The following EML4 variants were observed in gnomAD, a reference collection of about 807,000 sequenced individuals.
The protein encoded by EML4 is echinoderm microtubule-associated protein-like 4.
EML4 carries 72 observed loss-of-function variants against 129.0 expected under a neutral mutation model. The ratio of observed to expected loss-of-function variants is 0.56; its 90% CI spans 0.46 to 0.68. The LOEUF (loss-of-function observed/expected upper bound fraction) is 0.68, where lower values mean the gene tolerates loss of function less well. Among genes scored for constraint, EML4 ranks in the 30% least tolerant of loss-of-function variants. The pLI is 0.00. For missense variants in EML4, 1,363 were observed against 1,190.6 expected (o/e 1.14, Z -2.13); for synonymous variants, 532 against 405.0 (o/e 1.31, Z -3.77).
At chr2:42,217,701 G>A (rs957102652) in intron 1 of EML4, among the ~76,000 whole-genome samples, 19 of 152,194 alleles carry the variant, frequency 1.2e-4, no homozygotes, top group Admixed American at 9.8e-4. Context: ...GTCTTAATGA[G>A]TAGTTAGGTA....
chr2:42,329,980 A>C lies in EML4; in HGVS notation c.2719A>C (p.Asn907His). Residue 907 changes from asparagine to histidine, a missense_variant, in exon 23 of 23, where the codon AAT becomes CAT. Asn to His is a moderately conservative substitution (Grantham distance 68). Transcript: ENST00000318522. ...CACACCGCCTCCTTCTCAGCCCTTA[A>C]ATGAGACAGCTGAAGAGGAAAGTAG... The part of the protein sequence containing the change: ...TPTPPPSQPL[N>H]ETAEEESRIS... 1 of 1,613,846 alleles carries C rather than the reference A, an allele frequency of 6.2e-7. No individual in the cohort carries two copies. The highest frequency in any genetic ancestry group is 8.5e-7 in the Non-Finnish European group (1 of 1,179,974).
chr2:42,324,412 T>G (rs1238465249), intron 19 of EML4, among the ~76,000 whole-genome samples: 3 of 152,140 alleles, frequency 2.0e-5, no homozygotes, highest in African/African-American at 7.2e-5. Flanking sequence ...GCCTGGGAGT[T>G]CAAGACCAGC....
rs1427703841 is a variant in EML4 at position 42,308,031 on chromosome 2, T to C, written c.1967+3480T>C. Reference sequence around the variant, plus strand: ...AAAAAAAGTGACTAGTAAAAAAAAGTAATGATGTCTTCATGTCCAGATCTA... The same window carrying C: ...AAAAAAAGTGACTAGTAAAAAAAAGCAATGATGTCTTCATGTCCAGATCTA... On this transcript the variant is annotated intron_variant, in intron 17 of 22. Transcript: ENST00000318522. Among the ~76,000 whole-genome samples the C allele has an allele frequency of 2.0e-5, 3 of 152,362 alleles. No homozygotes were observed. The East Asian group carries it at 5.8e-4, about 29-fold the overall frequency.
At position 42,274,901 on chromosome 2, in the gene EML4, A is replaced by G. The variant is rs56187760; in HGVS notation, c.668-5949A>G. Among the ~76,000 whole-genome samples, 993 of 152,274 alleles carry G rather than the reference A, an allele frequency of 6.5e-3. 5 individuals are homozygous for G. Among genetic ancestry groups the G allele is most frequent in the Middle Eastern group, 0.027 (8 of 294 alleles). ...ATCAAGTATTTCAATTTTTTGCCTA[A>G]CAATCACTCTTTCCAAAGATAGTAG... On this transcript the variant is annotated intron_variant, in intron 6 of 22. Coordinates refer to ENST00000318522, the MANE Select transcript of EML4 (RefSeq NM_019063.5).
intron 11 of EML4, among the ~76,000 whole-genome samples, chr2:42,290,233 T>C (rs1667555564): frequency 1.3e-5 from 2 of 152,292 alleles, no homozygotes; most frequent in East Asian, 3.9e-4. Flanking sequence ...ACGGGTTGAC[T>C]GTCTCTCCTC....
Position 42,316,016 on chromosome 2 carries a change from G to A in EML4, c.2022G>A (p.Gly674=), listed in dbSNP as rs1669228533. 6.2e-7 allele frequency: 1 copy of A among 1,613,712 alleles called. No individual in the cohort carries two copies. Among genetic ancestry groups the A allele is most frequent in the African/African-American group, 1.3e-5 (1 of 74,886 alleles). The change falls in exon 18 of 23, where the codon GGG becomes GGA. Residue 674 remains glycine (G), a synonymous_variant. Transcript: ENST00000318522. The part of the protein sequence containing the change: ...TRDLVSIHTD[G]NEQLSVMRYS... The stretch of plus-strand genomic sequence containing the variant: ...ATCTAGTTTCTATCCACACAGACGG[G>A]AATGAACAGCTCTCTGTGATGCGCT...
chr2:42,172,220 T>G (rs968928235), intron 1 of EML4, among the ~76,000 whole-genome samples: 53 of 152,288 alleles, frequency 3.5e-4, no homozygotes, highest in African/African-American at 1.0e-3. Flanking sequence ...GCAGAAAAAT[T>G]GAGTACTTTA....
At chr2:42,207,672 A>G (rs962311522) in intron 1 of EML4, among the ~76,000 whole-genome samples, 1 of 152,092 alleles carries the variant, frequency 6.6e-6, no homozygotes, top group East Asian at 1.9e-4. Flanking sequence ...TTATGGTTTT[A>G]GTTTGGATTG....
chr2:42,259,119 C>T (rs1168418785), intron 3 of EML4, among the ~76,000 whole-genome samples: 2 of 151,770 alleles, frequency 1.3e-5, no homozygotes, highest in Non-Finnish European at 1.5e-5. Context: ...TGGTGGCGGG[C>T]GCCTGTAATC....
intron 6 of EML4, among the ~76,000 whole-genome samples, chr2:42,274,726 T>G (rs990082119): frequency 6.6e-6 from 1 of 152,124 alleles, no homozygotes; most frequent in Non-Finnish European, 1.5e-5. Context: ...GAGTTTTGAT[T>G]AGGGAATATG....
intron 6 of EML4, among the ~76,000 whole-genome samples, chr2:42,279,614 T>A (rs980980957): frequency 7.9e-5 from 12 of 151,994 alleles, no homozygotes; most frequent in African/African-American, 2.7e-4. Flanking sequence ...CCCGCCATCA[T>A]GCCTGGCTAA....
chr2:42,225,522 TG>T (rs1211224960), intron 1 of EML4, among the ~76,000 whole-genome samples: 1 of 152,212 alleles, frequency 6.6e-6, no homozygotes, highest in East Asian at 1.9e-4. Context: ...TAAGTCTTGC[TG>T]AATTATTCTC....
Position 42,330,042 on chromosome 2 carries a change from G to A in EML4, c.2781G>A (p.Leu927=). The A allele has an allele frequency of 6.2e-7, 1 of 1,613,556 alleles. No individual in the cohort carries two copies. Among genetic ancestry groups the A allele is most frequent in the South Asian group, 1.1e-5 (1 of 91,032 alleles). ...CTCCCACACTTCTGGAGAACAGCCTGGAACAAACTGTGGAGCCAAGTGAAG... is the reference window on the plus strand; with the variant it reads ...CTCCCACACTTCTGGAGAACAGCCTAGAACAAACTGTGGAGCCAAGTGAAG... ...SSSPTLLENS[L]EQTVEPSEDH... Residue 927 remains leucine, a synonymous_variant, in exon 23 of 23, where the codon CTG becomes CTA. Coordinates refer to ENST00000318522, the MANE Select transcript of EML4 (RefSeq NM_019063.5).
chr2:42,261,316 A>AGGG lies in EML4; in HGVS notation c.512+23_512+24insGGG, dbSNP rs534679626. 1.3e-3 allele frequency: 2,088 copies of AGGG among 1,587,874 alleles called. 3 individuals carry two copies. The highest frequency in any genetic ancestry group is 3.9e-3 in the South Asian group (343 of 87,530). ...AAAGGTTTTAACTGTCCCCAAGTAC[A>AGGG]GAGCTAGGGAATGGTTGTAATGATA... On this transcript the variant is annotated intron_variant, in intron 4 of 22. Coordinates refer to ENST00000318522, the MANE Select transcript of EML4 (RefSeq NM_019063.5).
chr2:42,325,112 T>G, intron 19 of EML4: 1 of 460,700 alleles, frequency 2.2e-6, no homozygotes, highest in Admixed American at 2.3e-5. Context: ...CACTTCATTC[T>G]CAAAAATGGA....
chr2:42,176,163 TG>T (rs1670590770), intron 1 of EML4, among the ~76,000 whole-genome samples: 1 of 152,224 alleles, frequency 6.6e-6, no homozygotes, highest in African/African-American at 2.4e-5. Context: ...TCACCCAGTT[TG>T]AAATTTCAGA....
chr2:42,176,928 G>A (rs1049757174), intron 1 of EML4, among the ~76,000 whole-genome samples: 1 of 152,070 alleles, frequency 6.6e-6, no homozygotes, highest in African/African-American at 2.4e-5. Flanking sequence ...CGACTAGGTG[G>A]TGTTACAGGT....
intron 1 of EML4, among the ~76,000 whole-genome samples, chr2:42,239,564 C>T (rs1266154122): frequency 1.3e-5 from 2 of 152,122 alleles, no homozygotes; most frequent in East Asian, 1.9e-4. Flanking sequence ...TCTGGATCTC[C>T]GTTTTCTCTT....
intron 1 of EML4, among the ~76,000 whole-genome samples, chr2:42,232,652 T>C (rs78801690): frequency 2.0e-5 from 3 of 152,246 alleles, no homozygotes; most frequent in Non-Finnish European, 2.9e-5. Flanking sequence ...AGAGAAGTGC[T>C]TTCCTGAGTC....
Sources: gnomAD v4.1 joint callset for allele counts (sites outside exome capture counted in the v4.1 genomes callset) on GRCh38, gnomAD v4.1.1 for gene constraint, MANE v1.5 for transcripts, NCBI Gene and HGNC (gene_info 2026-07-23, HGNC 2026-07-21) for gene names.